Variants in PPFIA2 observed in about 807,000 individuals in gnomAD.
The protein encoded by PPFIA2 is liprin-alpha-2.
A neutral mutation model predicts 175.5 loss-of-function variants in PPFIA2; 46 were observed. The observed-to-expected ratio is 0.26, with a 90% CI of 0.21 to 0.34. PPFIA2 has a LOEUF of 0.34. Ranked by LOEUF, PPFIA2 falls within the 10% of genes least tolerant of loss-of-function variation. The pLI is 1.00. For missense variants in PPFIA2, 1,179 were observed against 1,506.1 expected (o/e 0.78, Z 3.60); for synonymous variants, 568 against 511.4 (o/e 1.11, Z -1.49).
chr12:81,647,174 T>C (rs2066236502), intron 4 of PPFIA2, among the ~76,000 whole-genome samples: 1 of 151,922 alleles, frequency 6.6e-6, no homozygotes, highest in South Asian at 2.1e-4. Flanking sequence ...TTATCAGAGA[T>C]TTAAACATTC....
chr12:81,528,937 C>A (rs117973157), intron 4 of PPFIA2, among the ~76,000 whole-genome samples: 12,984 of 151,932 alleles, frequency 0.085, 810 homozygotes, highest in Middle Eastern at 0.15. Context: ...TGAAAAGAGA[C>A]AATTATGACA....
chr12:81,541,692 T>C (rs2066239501), intron 4 of PPFIA2, among the ~76,000 whole-genome samples: 1 of 152,142 alleles, frequency 6.6e-6, no homozygotes, highest in Non-Finnish European at 1.5e-5. Context: ...CTGCTAATAG[T>C]TCCTTGAATA....
intron 23 of PPFIA2, among the ~76,000 whole-genome samples, chr12:81,298,813 G>A (rs571696329): frequency 2.6e-4 from 39 of 152,272 alleles, no homozygotes; most frequent in Middle Eastern, 3.4e-3. Flanking sequence ...TAAGTCTTCT[G>A]TTTAATCCCA....
chr12:81,307,332 C>T (rs1342938839), intron 22 of PPFIA2, among the ~76,000 whole-genome samples: 1 of 152,138 alleles, frequency 6.6e-6, no homozygotes, highest in African/African-American at 2.4e-5. Flanking sequence ...ATGTTCTAGT[C>T]AAGAACATCT....
At chr12:81,628,731 A>C (rs868608119) in intron 4 of PPFIA2, among the ~76,000 whole-genome samples, 1 of 152,146 alleles carries the variant, frequency 6.6e-6, no homozygotes, top group African/African-American at 2.4e-5. Context: ...ACTGATTAGC[A>C]ATCAATAGCT....
chr12:81,679,725 T>A (rs2073250541), intron 3 of PPFIA2, among the ~76,000 whole-genome samples: 1 of 151,990 alleles, frequency 6.6e-6, no homozygotes, highest in African/African-American at 2.4e-5. Context: ...AAAAAAATGT[T>A]TGAGTTCATG....
chr12:81,497,530 CTTTTTT>C (rs34030284), intron 4 of PPFIA2, among the ~76,000 whole-genome samples: 2 of 66,184 alleles, frequency 3.0e-5, no homozygotes, highest in African/African-American at 5.5e-5. Context: ...TCATTGATGT[CTTTTTT>C]TTTTTTTTTT....
chr12:81,437,919 C>T (rs1257450886), intron 7 of PPFIA2, among the ~76,000 whole-genome samples: 1 of 151,300 alleles, frequency 6.6e-6, no homozygotes, highest in African/African-American at 2.4e-5. Context: ...TGAGAGGTAC[C>T]AATCTCTTAT....
At chr12:81,654,365 C>T (rs1160893821) in intron 4 of PPFIA2, among the ~76,000 whole-genome samples, 2 of 151,884 alleles carry the variant, frequency 1.3e-5, no homozygotes, top group Admixed American at 6.6e-5. Flanking sequence ...CTGCGAGACA[C>T]TTGATCACTA....
At chr12:81,678,143 T>C (rs1163567551) in intron 3 of PPFIA2, among the ~76,000 whole-genome samples, 1 of 151,800 alleles carries the variant, frequency 6.6e-6, no homozygotes, top group Admixed American at 6.6e-5. Flanking sequence ...TCTTATCTGT[T>C]TGCATCTAGT....
intron 4 of PPFIA2, among the ~76,000 whole-genome samples, chr12:81,593,782 C>G (rs1185825015): frequency 6.6e-6 from 1 of 152,104 alleles, no homozygotes; most frequent in Non-Finnish European, 1.5e-5. Flanking sequence ...ATGCAAACAA[C>G]TTTTTTAGGA....
At chr12:81,282,166 T>C (rs1444656206) in intron 26 of PPFIA2, among the ~76,000 whole-genome samples, 1 of 152,016 alleles carries the variant, frequency 6.6e-6, no homozygotes, top group African/African-American at 2.4e-5. Context: ...AATCAACCAT[T>C]ACCACTAAAC....
At chr12:81,602,102 C>T (rs2059854955) in intron 4 of PPFIA2, among the ~76,000 whole-genome samples, 1 of 151,690 alleles carries the variant, frequency 6.6e-6, no homozygotes, top group Non-Finnish European at 1.5e-5. Flanking sequence ...ATAATATACA[C>T]TTAAAATATT....
chr12:81,342,959 A>C (rs1176397070), intron 19 of PPFIA2, among the ~76,000 whole-genome samples: 1 of 149,040 alleles, frequency 6.7e-6, no homozygotes, highest in Non-Finnish European at 1.5e-5. Context: ...AATAATAATA[A>C]TAATAATAAT....
chr12:81,459,059 T>A lies in PPFIA2; in HGVS notation c.304-1193A>T, dbSNP rs141747544. Among the ~76,000 whole-genome samples the A allele has an allele frequency of 1.2e-3, 190 of 152,288 alleles. 1 individual carries two copies. The highest frequency in any genetic ancestry group is 4.4e-3 in the African/African-American group (181 of 41,560). ...TATATTTTTGTTTGCTTCAAATCAT[T>A]TATTTTGCTTAGTTTCTCTAAAGGG... is the stretch of plus-strand genomic sequence containing the variant. On this transcript the variant is annotated intron_variant, in intron 4 of 32. Coordinates refer to ENST00000549396, the MANE Select transcript of PPFIA2 (RefSeq NM_003625.5).
intron 4 of PPFIA2, among the ~76,000 whole-genome samples, chr12:81,615,913 T>G (rs1311750613): frequency 2.0e-5 from 3 of 152,080 alleles, no homozygotes; most frequent in Non-Finnish European, 4.4e-5. Flanking sequence ...GGATAATCAC[T>G]AGAGCCATGT....
At chr12:81,673,494 A>T (rs1430081596) in intron 4 of PPFIA2, among the ~76,000 whole-genome samples, 2 of 152,030 alleles carry the variant, frequency 1.3e-5, no homozygotes, top group Non-Finnish European at 2.9e-5. Context: ...AGCACTATTT[A>T]ATTTAATAAC....
chr12:81,667,339 A>G (rs1159365995), intron 4 of PPFIA2, among the ~76,000 whole-genome samples: 1 of 152,128 alleles, frequency 6.6e-6, no homozygotes, highest in African/African-American at 2.4e-5. Flanking sequence ...TTGCACCAAT[A>G]GGATGCTTTT....
chr12:81,655,261 T>C (rs1321562560), intron 4 of PPFIA2, among the ~76,000 whole-genome samples: 1 of 151,880 alleles, frequency 6.6e-6, no homozygotes, highest in Non-Finnish European at 1.5e-5. Context: ...AACTTTTGCC[T>C]TTATCCTCTA....
Sources: allele counts gnomAD v4.1 joint callset (sites outside exome capture counted in the v4.1 genomes callset), GRCh38; gene constraint gnomAD v4.1.1; transcripts MANE v1.5; gene names NCBI Gene and HGNC (gene_info 2026-07-23, HGNC 2026-07-21).